Variants in RBM25 observed in about 807,000 individuals in gnomAD.
RBM25 encodes RNA binding motif protein 25, also known as RNA-binding protein 25.
In RBM25, 19 loss-of-function variants were observed where a neutral mutation model predicts 120.7. That is an observed-to-expected ratio of 0.16 (90% CI 0.11 to 0.23). RBM25 has a LOEUF of 0.23. Ranked by LOEUF, RBM25 falls within the 10% of genes least tolerant of loss-of-function variation. The probability of loss-of-function intolerance (pLI) is 1.00; values close to 1 mark genes in which losing one functional copy is unlikely to be tolerated. For missense variants in RBM25, 605 were observed against 1,041.5 expected, an observed-to-expected ratio of 0.58 and a Z score of 5.77; for synonymous variants, 390 against 326.7, an observed-to-expected ratio of 1.19 and a Z score of -2.09.
At position 73,085,109 on chromosome 14, in the gene RBM25, C is replaced by G. The variant is rs138364452; in HGVS notation, c.382+1558C>G. Among the ~76,000 whole-genome samples, 16 of 152,038 alleles carry G rather than the reference C, an allele frequency of 1.1e-4. No individual in the cohort carries two copies. In the East Asian group the frequency reaches 2.1e-3, roughly 20 times the overall value. On this transcript the variant is annotated intron_variant, in intron 5 of 18. Coordinates refer to ENST00000261973, the MANE Select transcript of RBM25 (RefSeq NM_021239.3). ...TCTTGGCTCACTGCAATCTCCAACT[C>G]CCTGATTCAAACGATTCTCCAGCCT...
rs1594928769 is a variant in RBM25, at chr14:73,104,190, C to T, written c.1154+712C>T. Among the ~76,000 whole-genome samples, 8 of 152,096 alleles carry T rather than the reference C, an allele frequency of 5.3e-5. No individual in the cohort carries two copies. The South Asian group carries it at 1.7e-3, about 32-fold the overall frequency. ...TTTGTTGAAGTTCTGTATACTGAGACATCAGCTCTAGCACCACGTCTTTTT... is the reference window on the plus strand; with the variant it reads ...TTTGTTGAAGTTCTGTATACTGAGATATCAGCTCTAGCACCACGTCTTTTT... On this transcript the variant is annotated intron_variant, in intron 10 of 18. Transcript: ENST00000261973.
intron 14 of RBM25, 56 bp downstream of exon 14, chr14:73,109,548 C>A: frequency 1.3e-6 from 2 of 1,533,346 alleles, no homozygotes; most frequent in African/African-American, 1.4e-5. Context: ...AATCCCAGCT[C>A]TTTGGGAGGC....
chr14:73,078,266 G>A (rs1895471861), intron 4 of RBM25, among the ~76,000 whole-genome samples: 1 of 152,036 alleles, frequency 6.6e-6, no homozygotes, highest in African/African-American at 2.4e-5. Context: ...TCGCGCTACT[G>A]CACTCCACCC....
intron 7 of RBM25, among the ~76,000 whole-genome samples, chr14:73,098,487 T>G (rs920230202): frequency 6.6e-6 from 1 of 152,212 alleles, no homozygotes; most frequent in Non-Finnish European, 1.5e-5. Flanking sequence ...GGTATATATA[T>G]TATGATTAGT....
At chr14:73,116,449 A>G (rs1430927029) in intron 18 of RBM25, among the ~76,000 whole-genome samples, 1 of 152,202 alleles carries the variant, frequency 6.6e-6, no homozygotes, top group Non-Finnish European at 1.5e-5. Flanking sequence ...CAGGCATTTT[A>G]TGGTGTCTAA....
chr14:73,113,505 A>G (rs1896359047), intron 17 of RBM25, among the ~76,000 whole-genome samples: 1 of 151,860 alleles, frequency 6.6e-6, no homozygotes, highest in South Asian at 2.1e-4. Context: ...AGCCCGGCCA[A>G]TATGGTAAAA....
Position 73,103,131 on chromosome 14 carries a change from G to T in RBM25, c.868-61G>T. 5 of 1,556,776 alleles carry T rather than the reference G, an allele frequency of 3.2e-6. No homozygotes were observed. In the South Asian group the frequency reaches 6.3e-5, roughly 20 times the overall value. On this transcript the variant is annotated intron_variant, in intron 9 of 18. Transcript: ENST00000261973. The stretch of plus-strand genomic sequence containing the variant: ...GTTCCCAGTACTGGGCTTTGCGCCG[G>T]GAAAAATCTGAATACTGGAGCTACA...
chr14:73,114,321 T>A lies in RBM25; in HGVS notation c.2427T>A (p.Asp809Glu), dbSNP rs778154723. 6.4e-7 allele frequency: 1 copy of A among 1,571,510 alleles called. No individual in the cohort carries two copies. The highest frequency in any genetic ancestry group is 2.3e-5 in the East Asian group (1 of 43,526). ...MAHSSPQSILDDVAMVLDEEA... is the reference protein window; with the variant it reads ...MAHSSPQSILEDVAMVLDEEA... ...ATAGTTCACCCCAGAGCATTTTAGA[T>A]GATGTTGCCATGGTAAGTTAGAAAT... The change falls in exon 18 of 19, where the codon GAT becomes GAA. Residue 809 changes from aspartate to glutamate, a missense_variant. This residue lies in a region of RBM25 where 23 missense variants were observed against 83.2 expected (regional missense o/e 0.28). Transcript: ENST00000261973.
At chr14:73,091,212 CA>C (rs1419838500) in intron 6 of RBM25, among the ~76,000 whole-genome samples, 2 of 152,258 alleles carry the variant, frequency 1.3e-5, no homozygotes, top group Non-Finnish European at 2.9e-5. Flanking sequence ...TGTGACTTCA[CA>C]TTTCTTGCTT....
intron 13 of RBM25, 123 bp downstream of exon 13, chr14:73,108,022 T>C (rs1896225825): frequency 2.9e-6 from 2 of 694,148 alleles, no homozygotes; most frequent in South Asian, 1.9e-5. Context: ...ACATTCTGAG[T>C]AATTATTAAT....
intron 10 of RBM25, among the ~76,000 whole-genome samples, chr14:73,104,459 C>G (rs1896137484): frequency 6.6e-6 from 1 of 151,486 alleles, no homozygotes; most frequent in African/African-American, 2.4e-5. Flanking sequence ...ACCTTTGCCT[C>G]CCAGGCTTAA....
chr14:73,087,027 A>G (rs1359142482), intron 5 of RBM25, among the ~76,000 whole-genome samples: 1 of 147,226 alleles, frequency 6.8e-6, no homozygotes, highest in East Asian at 2.0e-4. Flanking sequence ...TTTGAGGGGC[A>G]TATCTGTTTG....
intron 6 of RBM25, among the ~76,000 whole-genome samples, chr14:73,095,018 A>C (rs1445221955): frequency 6.6e-6 from 1 of 150,538 alleles, no homozygotes; most frequent in Admixed American, 6.6e-5. Flanking sequence ...CACCATGCCC[A>C]GCTAATTTTT....
chr14:73,119,897 G>C lies in RBM25; in HGVS notation c.*92G>C. 1.4e-6 allele frequency: 2 copies of C among 1,477,824 alleles called. No homozygotes were observed. The highest frequency in any genetic ancestry group is 1.4e-5 in the African/African-American group (1 of 69,170). The allele number at this position is 1,477,824 out of a possible 1,614,324, so 91.5% of individuals were successfully genotyped here. On this transcript the variant is annotated 3_prime_UTR_variant, in exon 19 of 19. Coordinates refer to ENST00000261973, the MANE Select transcript of RBM25 (RefSeq NM_021239.3). ...TTCTTTGTCTTTGAAGACATTGTGAGATCTGTAATTTTTTTTTTTTGTAGA... is the reference window on the plus strand; with the variant it reads ...TTCTTTGTCTTTGAAGACATTGTGACATCTGTAATTTTTTTTTTTTGTAGA...
rs576595413 is a variant in RBM25 at position 73,121,853 on chromosome 14, C to T, written c.*2048C>T. 1.2e-3 allele frequency: 180 copies of T among 152,166 alleles called. No individual in the cohort carries two copies. The highest frequency in any genetic ancestry group is 4.2e-3 in the African/African-American group (176 of 41,556). 9.4% of individuals were successfully genotyped at this position (152,166 alleles called of 1,614,324 possible). A position where few individuals can be genotyped will look rare whatever the true frequency, so the allele number is the denominator to read the frequency against. On this transcript the variant is annotated 3_prime_UTR_variant, in exon 19 of 19. Coordinates refer to ENST00000261973, the MANE Select transcript of RBM25 (RefSeq NM_021239.3). Reference sequence around the variant, plus strand: ...CTTTGGGGAGATGTACTCTGTACTGCATAACATCTCCAGTGAGGTTTGTGA... The same window carrying T: ...CTTTGGGGAGATGTACTCTGTACTGTATAACATCTCCAGTGAGGTTTGTGA...
Position 73,111,789 on chromosome 14 carries a change from C to G in RBM25, c.2279C>G (p.Ser760Cys). 6.2e-7 allele frequency: 1 copy of G among 1,602,082 alleles called. No individual in the cohort carries two copies. Residue 760 changes from serine (S) to cysteine (C), a missense_variant, in exon 16 of 19, where the codon TCT (serine) becomes TGT (cysteine). By Grantham distance (112) the Ser-to-Cys change is moderately radical (BLOSUM62 -1). This residue lies in a region of RBM25 where 465 missense variants were observed against 741.6 expected (regional missense o/e 0.63). Transcript: ENST00000261973. The stretch of plus-strand genomic sequence containing the variant: ...CTCTTCGCTTATCCCCTGGATTGGT[C>G]TATTGTGGATTCTGTGAGTAGGAAA... ...PELFAYPLDWSIVDSILMERR... is the reference protein window; with the variant it reads ...PELFAYPLDWCIVDSILMERR...
chr14:73,068,100 A>G (rs563690590), intron 1 of RBM25: 56 of 680,638 alleles, frequency 8.2e-5, no homozygotes, highest in South Asian at 3.6e-4. Context: ...GACCACCCCA[A>G]CTTTACCTCG....
At position 73,114,762 on chromosome 14, in the gene RBM25, C is replaced by T. The variant is rs529322765; in HGVS notation, c.2439+429C>T. 1.0e-3 allele frequency among the ~76,000 whole-genome samples: 158 copies of T among 152,194 alleles called. 1 individual carries two copies. Among genetic ancestry groups the T allele is most frequent in the African/African-American group, 3.3e-3 (137 of 41,518 alleles). ...TACAAAAATTAGCTGTGCGTGGTGG[C>T]GTGTGCCTATAGTCCCAGCTACTCG... is the stretch of plus-strand genomic sequence containing the variant. On this transcript the variant is annotated intron_variant, in intron 18 of 18. Transcript: ENST00000261973.
intron 7 of RBM25, among the ~76,000 whole-genome samples, chr14:73,097,901 A>C (rs1001851392): frequency 1.3e-5 from 2 of 152,208 alleles, no homozygotes; most frequent in Non-Finnish European, 2.9e-5. Context: ...TTGAAAGAAA[A>C]GGTTTAGTTT....
Sources: allele counts gnomAD v4.1 joint callset (sites outside exome capture counted in the v4.1 genomes callset), GRCh38; gene constraint gnomAD v4.1.1; regional missense constraint gnomAD v4.1.1; transcripts MANE v1.5; gene names NCBI Gene and HGNC (gene_info 2026-07-23, HGNC 2026-07-21).